The following RGS7 variants were observed in gnomAD, a reference collection of about 807,000 sequenced individuals.
RGS7 encodes the protein regulator of G-protein signaling 7.
RGS7 carries 27 observed loss-of-function variants against 81.1 expected under a neutral mutation model. The observed-to-expected ratio is 0.33, with a 90% CI of 0.25 to 0.46. The LOEUF (loss-of-function observed/expected upper bound fraction) is 0.46, where lower values mean the gene tolerates loss of function less well. RGS7 is among the 20% of genes least tolerant of loss of function. RGS7 has a pLI of 1.00. For missense variants in RGS7, 396 were observed against 607.4 expected (o/e 0.65, Z 3.66); for synonymous variants, 208 against 207.7 (o/e 1.00, Z -0.01).
chr1:240,929,844 C>T (rs972903200), intron 6 of RGS7, among the ~76,000 whole-genome samples: 4 of 152,302 alleles, frequency 2.6e-5, no homozygotes, highest in Non-Finnish European at 4.4e-5. Context: ...TTCTTTTAAA[C>T]ATTCACATAA....
intron 2 of RGS7, among the ~76,000 whole-genome samples, chr1:241,199,751 T>C (rs2073360374): frequency 6.6e-6 from 1 of 151,872 alleles, no homozygotes; most frequent in African/African-American, 2.4e-5. Context: ...TATGTTTCTC[T>C]AGATGAAAAT....
chr1:241,078,031 T>C (rs771453493), intron 3 of RGS7, among the ~76,000 whole-genome samples: 1 of 151,348 alleles, frequency 6.6e-6, no homozygotes, highest in Non-Finnish European at 1.5e-5. Context: ...ATATATACCA[T>C]GTATACGTAA....
At chr1:241,050,667 C>A (rs1464190281) in intron 3 of RGS7, among the ~76,000 whole-genome samples, 1 of 152,060 alleles carries the variant, frequency 6.6e-6, no homozygotes, top group African/African-American at 2.4e-5. Flanking sequence ...ACAGCAACAC[C>A]AACGCCTCCT....
intron 6 of RGS7, among the ~76,000 whole-genome samples, chr1:240,890,324 TG>T (rs1042616658): frequency 6.6e-6 from 1 of 152,076 alleles, no homozygotes; most frequent in Non-Finnish European, 1.5e-5. Context: ...AGCTAATTTT[TG>T]TGTTTTTAGT....
intron 3 of RGS7, among the ~76,000 whole-genome samples, chr1:241,092,873 A>T (rs1262690940): frequency 6.6e-6 from 1 of 150,766 alleles, no homozygotes; most frequent in Non-Finnish European, 1.5e-5. Context: ...AAAAAAAAAC[A>T]ATTAGAAGAC....
chr1:241,087,497 C>T (rs576158821), intron 3 of RGS7, among the ~76,000 whole-genome samples: 2 of 152,260 alleles, frequency 1.3e-5, no homozygotes, highest in South Asian at 2.1e-4. Context: ...GTTAGATGCT[C>T]TTTATGGTAC....
At chr1:241,345,279 T>C (rs2082816960) in intron 2 of RGS7, among the ~76,000 whole-genome samples, 1 of 152,280 alleles carries the variant, frequency 6.6e-6, no homozygotes, top group South Asian at 2.1e-4. Context: ...AAAATAACTA[T>C]TGGGTTATAA....
intron 3 of RGS7, among the ~76,000 whole-genome samples, chr1:241,075,645 A>G (rs1316441580): frequency 6.6e-6 from 1 of 152,224 alleles, no homozygotes; most frequent in Non-Finnish European, 1.5e-5. Context: ...AAAGTTTACA[A>G]ATGTGTGTTG....
At chr1:240,783,631 T>A (rs1368482897) in intron 18 of RGS7, among the ~76,000 whole-genome samples, 1 of 149,984 alleles carries the variant, frequency 6.7e-6, no homozygotes, top group African/African-American at 2.5e-5. Context: ...TCAAAAAAAA[T>A]AAAAAATAAA....
At chr1:241,273,523 C>G (rs2078038479) in intron 2 of RGS7, among the ~76,000 whole-genome samples, 1 of 151,980 alleles carries the variant, frequency 6.6e-6, no homozygotes, top group Admixed American at 6.6e-5. Flanking sequence ...TGGTTTTGGT[C>G]TAGTACCACT....
chr1:240,892,831 G>A (rs1237361298), intron 6 of RGS7, among the ~76,000 whole-genome samples: 1 of 152,036 alleles, frequency 6.6e-6, no homozygotes, highest in East Asian at 1.9e-4. Flanking sequence ...ATTTGGGGCT[G>A]CCTGATTTGG....
intron 11 of RGS7, 82 bp from the exon 12 acceptor site, chr1:240,814,859 A>G (rs1416653472): frequency 4.6e-6 from 4 of 878,618 alleles, no homozygotes; most frequent in South Asian, 1.3e-5. Flanking sequence ...CAGCTGGGCA[A>G]TTCTGAACAA....
intron 4 of RGS7, among the ~76,000 whole-genome samples, chr1:240,938,282 G>C (rs1485578631): frequency 6.6e-6 from 1 of 152,112 alleles, no homozygotes; most frequent in Non-Finnish European, 1.5e-5. Flanking sequence ...GAAAATACCA[G>C]AAAAGTTAGA....
chr1:241,286,983 C>T (rs1409001307), intron 2 of RGS7, among the ~76,000 whole-genome samples: 1 of 152,136 alleles, frequency 6.6e-6, no homozygotes, highest in African/African-American at 2.4e-5. Context: ...AGGAAATAAT[C>T]GGTCCTTAAA....
At chr1:241,230,730 C>G (rs534627588) in intron 2 of RGS7, among the ~76,000 whole-genome samples, 1 of 152,258 alleles carries the variant, frequency 6.6e-6, no homozygotes, top group East Asian at 1.9e-4. Flanking sequence ...CCCCTTCACC[C>G]TAGTGTTCTG....
At chr1:240,971,674 A>T (rs1265470727) in intron 4 of RGS7, among the ~76,000 whole-genome samples, 1 of 152,236 alleles carries the variant, frequency 6.6e-6, no homozygotes, top group Non-Finnish European at 1.5e-5. Context: ...AGGTCAAATC[A>T]ATCAATCTTG....
At chr1:241,324,263 T>G (rs1047340662) in intron 2 of RGS7, among the ~76,000 whole-genome samples, 1 of 152,114 alleles carries the variant, frequency 6.6e-6, no homozygotes, top group African/African-American at 2.4e-5. Context: ...TAGACTATTA[T>G]AGTTAAGATT....
chr1:241,340,739 A>C (rs2082494555), intron 2 of RGS7, among the ~76,000 whole-genome samples: 2 of 152,164 alleles, frequency 1.3e-5, no homozygotes, highest in African/African-American at 4.8e-5. Context: ...GAAAGAAGAT[A>C]AAAGAAAAAT....
intron 2 of RGS7, among the ~76,000 whole-genome samples, chr1:241,287,349 C>A (rs1288125211): frequency 1.3e-5 from 2 of 152,124 alleles, no homozygotes; most frequent in Non-Finnish European, 2.9e-5. Context: ...GGAGGCGGGT[C>A]TTTCCTGTGC....
Sources: gnomAD v4.1 joint callset for allele counts (sites outside exome capture counted in the v4.1 genomes callset) on GRCh38, gnomAD v4.1.1 for gene constraint, MANE v1.5 for transcripts, NCBI Gene and HGNC (gene_info 2026-07-23, HGNC 2026-07-21) for gene names.